NCAM2: variants seen among roughly 807,000 people sequenced by gnomAD.
The protein encoded by NCAM2 is neural cell adhesion molecule 2.
Under a neutral mutation model 98.1 loss-of-function variants are expected in NCAM2, and 30 were observed. That is an observed-to-expected ratio of 0.31 (90% CI 0.23 to 0.41). The LOEUF (loss-of-function observed/expected upper bound fraction) is 0.41. NCAM2 is among the 10% of genes least tolerant of loss of function. NCAM2 has a pLI of 1.00. For synonymous variants in NCAM2, 368 were observed against 342.4 expected, an observed-to-expected ratio of 1.07 and a Z score of -0.83; for missense variants, 867 against 1,005.8, an observed-to-expected ratio of 0.86 and a Z score of 1.87.
chr21:21,262,332 A>G (rs1021454402), intron 1 of NCAM2, among the ~76,000 whole-genome samples: 5 of 152,136 alleles, frequency 3.3e-5, no homozygotes, highest in Non-Finnish European at 7.4e-5. Context: ...ATCAGGGAGA[A>G]GGGGTTTCTT....
chr21:21,041,467 T>C (rs1467855784), intron 1 of NCAM2, among the ~76,000 whole-genome samples: 1 of 152,162 alleles, frequency 6.6e-6, no homozygotes, highest in Non-Finnish European at 1.5e-5. Flanking sequence ...GAAGAGATGG[T>C]ACAAGAGCAT....
At chr21:21,179,714 T>C (rs1349716470) in intron 1 of NCAM2, among the ~76,000 whole-genome samples, 2 of 152,216 alleles carry the variant, frequency 1.3e-5, no homozygotes, top group East Asian at 1.9e-4. Flanking sequence ...TCAAGGGTAA[T>C]AGACAGTTGT....
intron 1 of NCAM2, among the ~76,000 whole-genome samples, chr21:21,204,423 C>A (rs1355996601): frequency 6.6e-6 from 1 of 152,076 alleles, no homozygotes; most frequent in East Asian, 1.9e-4. Flanking sequence ...CCTTGTGTTG[C>A]ATAATGTTTT....
intron 1 of NCAM2, among the ~76,000 whole-genome samples, chr21:21,265,126 T>C (rs868088360): frequency 5.5e-3 from 52 of 9,376 alleles, no homozygotes; most frequent in East Asian, 0.043. Context: ...ATACATATAT[T>C]ATATATACAT....
intron 1 of NCAM2, among the ~76,000 whole-genome samples, chr21:21,122,158 T>C (rs151233974): frequency 0.037 from 479 of 12,930 alleles, 5 homozygotes; most frequent in African/African-American, 0.079. Flanking sequence ...GAAACTAAAG[T>C]CAACCTTTTA....
chr21:21,383,098 G>A (rs908329468), intron 9 of NCAM2, among the ~76,000 whole-genome samples: 1 of 152,050 alleles, frequency 6.6e-6, no homozygotes, highest in Non-Finnish European at 1.5e-5. Context: ...TCACTGTACT[G>A]GTTGTCAAAA....
At chr21:21,009,885 G>A (rs1188789259) in intron 1 of NCAM2, among the ~76,000 whole-genome samples, 1 of 111,382 alleles carries the variant, frequency 9.0e-6, no homozygotes, top group Non-Finnish European at 2.1e-5. Context: ...TCTGATAGCT[G>A]TGTGTGTGTG....
At chr21:21,215,917 A>G (rs2069881769) in intron 1 of NCAM2, among the ~76,000 whole-genome samples, 2 of 152,174 alleles carry the variant, frequency 1.3e-5, no homozygotes, top group South Asian at 2.1e-4. Context: ...TAAATAGTAC[A>G]GTAACAAGAG....
At chr21:21,275,207 G>A (rs1249948903) in intron 1 of NCAM2, among the ~76,000 whole-genome samples, 4 of 151,908 alleles carry the variant, frequency 2.6e-5, no homozygotes, top group East Asian at 3.9e-4. Flanking sequence ...TTGGGAGGCC[G>A]AGGCGGGTGG....
At chr21:21,174,984 G>A (rs1460773278) in intron 1 of NCAM2, among the ~76,000 whole-genome samples, 1 of 151,926 alleles carries the variant, frequency 6.6e-6, no homozygotes, top group Non-Finnish European at 1.5e-5. Flanking sequence ...GGAGCGTAAT[G>A]GATAATTATT....
intron 6 of NCAM2, among the ~76,000 whole-genome samples, chr21:21,327,424 G>A (rs375757957): frequency 1.3e-5 from 2 of 151,848 alleles, no homozygotes; most frequent in African/African-American, 4.8e-5. Flanking sequence ...GAGAGAGAGA[G>A]TTCTGGTTAT....
intron 16 of NCAM2, among the ~76,000 whole-genome samples, chr21:21,521,053 A>G (rs1197074159): frequency 6.6e-6 from 1 of 152,184 alleles, no homozygotes; most frequent in Admixed American, 6.5e-5. Flanking sequence ...GTCTACTCTC[A>G]GAAGAAACTG....
rs183291133 is a variant in NCAM2 at position 21,327,602 on chromosome 21, A to G, written c.737+3102A>G. Reference sequence around the variant, plus strand: ...GAATAGAGATTAACTGTGAATGGGTATAAGAGATCTCTTGTGATGGTTGAA... The same window carrying G: ...GAATAGAGATTAACTGTGAATGGGTGTAAGAGATCTCTTGTGATGGTTGAA... On this transcript the variant is annotated intron_variant, in intron 6 of 17. Transcript: ENST00000400546. Among the ~76,000 whole-genome samples, 713 of 152,288 alleles carry G rather than the reference A, an allele frequency of 4.7e-3. 1 individual carries two copies. Among genetic ancestry groups the G allele is most frequent in the Admixed American group, 0.011 (165 of 15,292 alleles).
chr21:21,498,981 T>C (rs1987441197), intron 15 of NCAM2, among the ~76,000 whole-genome samples: 1 of 152,146 alleles, frequency 6.6e-6, no homozygotes, highest in South Asian at 2.1e-4. Flanking sequence ...GTAAGAGCAT[T>C]AGTAAATTAT....
At chr21:21,212,932 T>C (rs375786171) in intron 1 of NCAM2, among the ~76,000 whole-genome samples, 573 of 151,852 alleles carry the variant, frequency 3.8e-3, no homozygotes, top group Non-Finnish European at 6.3e-3. Flanking sequence ...TTAGTAGAGA[T>C]GGGGTTTCCA....
At chr21:21,053,526 CTA>C (rs1403958819) in intron 1 of NCAM2, among the ~76,000 whole-genome samples, 5 of 151,638 alleles carry the variant, frequency 3.3e-5, no homozygotes, top group African/African-American at 9.6e-5. Flanking sequence ...ACTTTGTAGA[CTA>C]TGTGTTATTT....
chr21:21,111,481 G>A (rs576714389), intron 1 of NCAM2, among the ~76,000 whole-genome samples: 122 of 152,200 alleles, frequency 8.0e-4, no homozygotes, highest in Non-Finnish European at 6.2e-4. Context: ...CAAGAAGATC[G>A]AAGACTGAGA....
intron 1 of NCAM2, among the ~76,000 whole-genome samples, chr21:21,256,546 A>G (rs997162061): frequency 6.6e-6 from 1 of 152,176 alleles, no homozygotes; most frequent in African/African-American, 2.4e-5. Context: ...ACCATTAATT[A>G]TAAGTCTTCC....
intron 1 of NCAM2, among the ~76,000 whole-genome samples, chr21:21,029,068 G>GT (rs1217682969): frequency 6.6e-6 from 1 of 152,136 alleles, no homozygotes; most frequent in African/African-American, 2.4e-5. Context: ...TGAGTAACAT[G>GT]TTTTAGTGTA....
Sources: gnomAD v4.1 joint callset for allele counts (sites outside exome capture counted in the v4.1 genomes callset) on GRCh38, gnomAD v4.1.1 for gene constraint, MANE v1.5 for transcripts, NCBI Gene and HGNC (gene_info 2026-07-23, HGNC 2026-07-21) for gene names.